The following CELSR1 variants were observed in gnomAD, a reference collection of about 807,000 sequenced individuals.
The protein encoded by CELSR1 is cadherin EGF LAG seven-pass G-type receptor 1, also known as adhesion G protein-coupled receptor C1.
CELSR1 carries 110 observed loss-of-function variants against 249.1 expected under a neutral mutation model. The ratio of observed to expected loss-of-function variants is 0.44; its 90% confidence interval spans 0.38 to 0.52. The LOEUF (loss-of-function observed/expected upper bound fraction) is 0.52. CELSR1 is among the 20% of genes least tolerant of loss of function. CELSR1 has a pLI of 0.00. For synonymous variants in CELSR1, 2,113 were observed against 1,900.0 expected, an observed-to-expected ratio of 1.11 and a Z score of -2.92; for missense variants, 4,109 against 4,296.4, an observed-to-expected ratio of 0.96 and a Z score of 1.22.
At chr22:46,405,787 C>CTT (rs1293048545) in intron 9 of CELSR1, among the ~76,000 whole-genome samples, 2 of 152,158 alleles carry the variant, frequency 1.3e-5, no homozygotes, top group African/African-American at 4.8e-5. Context: ...AGGAGACATC[C>CTT]TTTGAGGGAC....
intron 5 of CELSR1, among the ~76,000 whole-genome samples, chr22:46,418,948 G>A (rs1349735407): frequency 6.6e-6 from 1 of 152,248 alleles, no homozygotes; most frequent in African/African-American, 2.4e-5. Context: ...CCGGAGGCAG[G>A]AGTCCCCTGG....
At chr22:46,419,509 G>C (rs1401267368) in intron 5 of CELSR1, among the ~76,000 whole-genome samples, 1 of 152,042 alleles carries the variant, frequency 6.6e-6, no homozygotes, top group African/African-American at 2.4e-5. Context: ...GCCTCCCGGG[G>C]CCTGCCTCCT....
rs1321251922 is a variant in CELSR1 at position 46,374,350 on chromosome 22, C to T, written c.7585-1293G>A. 6.6e-6 allele frequency among the ~76,000 whole-genome samples: 1 copy of T among 152,246 alleles called. No homozygotes were observed. Among genetic ancestry groups the T allele is most frequent in the East Asian group, 1.9e-4 (1 of 5,208 alleles). ...GAGGGCTGTGCCATCCTGGCTGCAG[C>T]AGGGTCGTACCTGCTTCCCTAACCA... On this transcript the variant is annotated intron_variant, in intron 24 of 34. Coordinates refer to ENST00000674500, the MANE Select transcript of CELSR1 (RefSeq NM_001378328.1). This position sits in a 1 kb window ranked among gnomAD's most constrained non-coding sequence, Gnocchi z 4.3.
rs561098378 is a variant in CELSR1, at chr22:46,430,036, A to G, written c.4611+3357T>C. On this transcript the variant is annotated intron_variant, in intron 5 of 34. Transcript: ENST00000674500. This position sits in a 1 kb window ranked among gnomAD's most constrained non-coding sequence, Gnocchi z 4.6. The stretch of plus-strand genomic sequence containing the variant: ...GCCTGGCAGCTCCCAGGCCCTGTAC[A>G]CTGGTGGGTGGGGGAAGGGTCCCCG... Among the ~76,000 whole-genome samples, 5 of 152,234 alleles carry G rather than the reference A, an allele frequency of 3.3e-5. No homozygotes were observed. Among genetic ancestry groups the G allele is most frequent in the Admixed American group, 1.3e-4 (2 of 15,306 alleles).
intron 28 of CELSR1, among the ~76,000 whole-genome samples, 154 bp from the exon 29 acceptor site, chr22:46,367,272 T>A (rs1002217232): frequency 6.6e-6 from 1 of 152,180 alleles, no homozygotes; most frequent in East Asian, 1.9e-4. Context: ...CCTCAGGGAC[T>A]GCTGCTATCT....
intron 4 of CELSR1, among the ~76,000 whole-genome samples, chr22:46,435,120 T>C (rs1228841336): frequency 1.3e-5 from 2 of 152,010 alleles, no homozygotes; most frequent in East Asian, 3.9e-4. Context: ...GCCTTGTCGA[T>C]ATATTTTTTT....
chr22:46,422,510 G>A (rs372094526), intron 5 of CELSR1, among the ~76,000 whole-genome samples: 3 of 151,428 alleles, frequency 2.0e-5, no homozygotes, highest in Non-Finnish European at 2.9e-5. Context: ...AAGGGGGGGC[G>A]GATCACGAGG....
intron 18 of CELSR1, among the ~76,000 whole-genome samples, chr22:46,387,321 T>C (rs1342476570): frequency 2.6e-5 from 4 of 152,334 alleles, no homozygotes; most frequent in South Asian, 4.1e-4. Context: ...AGTTTATAAA[T>C]AGGATCAAAC....
chr22:46,382,748 G>C (rs184571509), intron 20 of CELSR1, among the ~76,000 whole-genome samples: 1 of 152,176 alleles, frequency 6.6e-6, no homozygotes, highest in Non-Finnish European at 1.5e-5. Flanking sequence ...CAGTTGCTGC[G>C]GCGCAGGTGA....
At position 46,390,394 on chromosome 22, in the gene CELSR1, T is replaced by C. The variant is rs770797108; in HGVS notation, c.6343A>G (p.Met2115Val). 1.9e-6 allele frequency: 3 copies of C among 1,612,178 alleles called. No individual in the cohort carries two copies. The highest frequency in any genetic ancestry group is 3.3e-5 in the Admixed American group (2 of 59,814). Residue 2115 changes from methionine to valine, a missense_variant and splice_region_variant, in exon 17 of 35, where the codon ATG becomes GTG. This residue lies in a region of CELSR1 where 1,805 missense variants were observed against 1,831.6 expected (regional missense o/e 0.99). Coordinates refer to ENST00000674500, the MANE Select transcript of CELSR1 (RefSeq NM_001378328.1). The surrounding 1 kb of genome is among the most constrained non-coding windows in gnomAD (Gnocchi z 6.3). The stretch of plus-strand genomic sequence containing the variant: ...ACACATCCCCGAGGCGCCCCTACCA[T>C]GGCCCTGAGGTCCACGAAGGAGATG... ...TTISFVDLRA[M>V]NEKLSRNETQ... is the part of the protein sequence containing the mutation.
At chr22:46,504,725 C>A (rs1239907408) in intron 1 of CELSR1, among the ~76,000 whole-genome samples, 1 of 152,118 alleles carries the variant, frequency 6.6e-6, no homozygotes, top group South Asian at 2.1e-4. Flanking sequence ...CAAATATTCC[C>A]GAGGCCATTT....
rs146540127 is a variant in CELSR1, at chr22:46,531,837, G to T, written c.3544+1790C>A. Among the ~76,000 whole-genome samples the T allele has an allele frequency of 3.1e-3, 479 of 152,338 alleles. 7 individuals carry two copies. The highest frequency in any genetic ancestry group is 0.022 in the Admixed American group (331 of 15,302). ...CAAAGGTAACCACTGTCATCCGGGT[G>T]TGTGTTGGGGCGGTGGTGGTCTGGG... On this transcript the variant is annotated intron_variant, in intron 1 of 34. Transcript: ENST00000674500.
rs983249330 is a variant in CELSR1, at chr22:46,454,031, C to T, written c.4183+9676G>A. 8.5e-5 allele frequency among the ~76,000 whole-genome samples: 13 copies of T among 152,114 alleles called. No homozygotes were observed. The highest frequency in any genetic ancestry group is 2.7e-4 in the African/African-American group (11 of 41,408). Reference sequence around the variant, plus strand: ...GCAGATGTGATTAAGGATCTTGAGACGGGGCAGTCATCCTGCATTACTGTG... The same window carrying T: ...GCAGATGTGATTAAGGATCTTGAGATGGGGCAGTCATCCTGCATTACTGTG... On this transcript the variant is annotated intron_variant, in intron 2 of 34. Transcript: ENST00000674500. This position sits in a 1 kb window ranked among gnomAD's most constrained non-coding sequence, Gnocchi z 5.1.
chr22:46,370,087 G>C (rs1289193343), intron 25 of CELSR1: 1 of 532,752 alleles, frequency 1.9e-6, no homozygotes, highest in African/African-American at 1.9e-5. Context: ...CAGAGACCCT[G>C]GAGGGTGGCA....
Position 46,464,283 on chromosome 22 carries a change from G to A in CELSR1, c.3607C>T (p.Leu1203=). ...LRVTIITDDM[L]TNSITVRLEN... ...AGGCGGACAGTGATGCTGTTGGTCA[G>A]CATGTCGTCCGTGATGATGGTGACA... The change falls in exon 2 of 35, where the codon CTG becomes TTG. Residue 1203 remains leucine (L), a synonymous_variant. Transcript: ENST00000674500. This position sits in a 1 kb window ranked among gnomAD's most constrained non-coding sequence, Gnocchi z 8.5. The A allele has an allele frequency of 1.2e-6, 2 of 1,613,630 alleles. No individual in the cohort carries two copies. Among genetic ancestry groups the A allele is most frequent in the Non-Finnish European group, 1.7e-6 (2 of 1,180,036 alleles).
At chr22:46,476,653 C>G (rs868747357) in intron 1 of CELSR1, among the ~76,000 whole-genome samples, 41 of 149,254 alleles carry the variant, frequency 2.7e-4, no homozygotes, top group African/African-American at 9.9e-4. Context: ...ATGAAACTCA[C>G]AAACTTTCCG....
intron 1 of CELSR1, among the ~76,000 whole-genome samples, chr22:46,515,916 C>T (rs568815291): frequency 6.0e-4 from 91 of 152,364 alleles, no homozygotes; most frequent in Non-Finnish European, 3.8e-4. Context: ...GATATCATCT[C>T]ACACCAGTTA....
intron 18 of CELSR1, among the ~76,000 whole-genome samples, chr22:46,388,794 T>G (rs997179446): frequency 1.3e-5 from 2 of 151,962 alleles, no homozygotes; most frequent in African/African-American, 4.8e-5. Flanking sequence ...AGCCAGAGGG[T>G]TGAGGCGGAG....
intron 1 of CELSR1, among the ~76,000 whole-genome samples, chr22:46,499,226 A>G: frequency 6.6e-6 from 1 of 151,968 alleles, no homozygotes; most frequent in South Asian, 2.1e-4. Context: ...GGAGAGTTTT[A>G]CACTCCTGGG....
Sources: gnomAD v4.1 joint callset for allele counts (sites outside exome capture counted in the v4.1 genomes callset) on GRCh38, gnomAD v4.1.1 for gene constraint, gnomAD v4.1.1 regional missense constraint, Gnocchi (gnomAD v3.1) non-coding constraint, MANE v1.5 for transcripts, NCBI Gene and HGNC (gene_info 2026-07-23, HGNC 2026-07-21) for gene names.